The following MYZAP variants were observed in gnomAD, a reference collection of about 807,000 sequenced individuals.
MYZAP encodes myocardial zonula adherens protein, also known as GRINL1A complex locus upstream.
A neutral mutation model predicts 69.4 loss-of-function variants in MYZAP; 66 were observed. That is an observed-to-expected ratio of 0.95 (90% CI 0.78 to 1.17). MYZAP has a LOEUF of 1.17. MYZAP is among the 50% of genes most tolerant of loss of function. MYZAP has a pLI of 0.00. For missense variants in MYZAP, 611 were observed against 556.2 expected (o/e 1.10, Z -0.99); for synonymous variants, 256 against 205.9 (o/e 1.24, Z -2.09).
Position 57,614,736 on chromosome 15 carries a change from G to A in MYZAP, c.163-3297G>A, listed in dbSNP as rs1297482466. On this transcript the variant is annotated intron_variant, in intron 2 of 12. Transcript: ENST00000267853. ...TGGAGACCCTGGGATGCTACATGGA[G>A]ACGTGAGTTCCAGTTGTTCTCCTGA... 5.9e-5 allele frequency among the ~76,000 whole-genome samples: 9 copies of A among 152,142 alleles called. 1 individual carries two copies. The highest frequency in any genetic ancestry group is 5.9e-4 in the Admixed American group (9 of 15,278).
At chr15:57,665,538 A>C (rs746479452) in intron 11 of MYZAP, among the ~76,000 whole-genome samples, 9 of 152,200 alleles carry the variant, frequency 5.9e-5, no homozygotes, top group Non-Finnish European at 8.8e-5. Flanking sequence ...TTTCAGATTG[A>C]AGAGCCTTGG....
At chr15:57,647,163 G>A in intron 10 of MYZAP, 1 of 985,412 alleles carries the variant, frequency 1.0e-6, no homozygotes, top group Non-Finnish European at 1.2e-6. Context: ...ATTTGCCTTT[G>A]CTTTCATTTA....
chr15:57,591,972 C>A lies in MYZAP; in HGVS notation c.-63C>A. The A allele has an allele frequency of 7.5e-7, 1 of 1,335,610 alleles. No individual in the cohort carries two copies. The highest frequency in any genetic ancestry group is 9.6e-7 in the Non-Finnish European group (1 of 1,044,276). 82.7% of individuals were successfully genotyped at this position (1,335,610 alleles called of 1,614,324 possible). A position where few individuals can be genotyped will look rare whatever the true frequency, so the allele number is the denominator to read the frequency against. On this transcript the variant is annotated 5_prime_UTR_variant, in exon 1 of 13. Transcript: ENST00000267853. ...CGTCGCCCCCGCGCAGGGCGGGCCC[C>A]GCACGCTTATTCTGCCCGGGAGGAA...
intron 12 of MYZAP, among the ~76,000 whole-genome samples, chr15:57,676,911 T>C (rs2140643500): frequency 6.6e-6 from 1 of 152,262 alleles, no homozygotes; most frequent in Admixed American, 6.5e-5. Context: ...AATGTAACAT[T>C]TGGTTTCCCC....
intron 1 of MYZAP, among the ~76,000 whole-genome samples, chr15:57,603,793 A>G (rs2172610): frequency 0.48 from 72,446 of 152,000 alleles, 17,576 homozygotes; most frequent in South Asian, 0.57. Context: ...TGCTATGAAC[A>G]TGGGTATATG....
intron 8 of MYZAP, among the ~76,000 whole-genome samples, chr15:57,634,483 A>G (rs1327154555): frequency 6.6e-6 from 1 of 152,148 alleles, no homozygotes; most frequent in Non-Finnish European, 1.5e-5. Flanking sequence ...CCCTGACATT[A>G]TTAGCACCCT....
intron 10 of MYZAP, chr15:57,646,351 G>T (rs2037445773): frequency 8.5e-7 from 1 of 1,183,168 alleles, no homozygotes; most frequent in Non-Finnish European, 1.1e-6. Context: ...TGACCATGTG[G>T]GGCTCTTGTT....
chr15:57,605,856 G>T (rs1365245870), intron 2 of MYZAP, among the ~76,000 whole-genome samples: 6 of 152,066 alleles, frequency 3.9e-5, no homozygotes, highest in Non-Finnish European at 7.4e-5. Flanking sequence ...GTTTGAATGG[G>T]CTTTCACTGG....
intron 8 of MYZAP, among the ~76,000 whole-genome samples, chr15:57,636,727 A>G (rs2036839382): frequency 6.6e-6 from 1 of 152,228 alleles, no homozygotes; most frequent in South Asian, 2.1e-4. Context: ...AGCTTTGTCC[A>G]AAGAAATGAT....
chr15:57,661,334 A>G, intron 10 of MYZAP, 116 bp from the exon 11 acceptor site: 1 of 817,194 alleles, frequency 1.2e-6, no homozygotes, highest in Admixed American at 2.9e-5. Flanking sequence ...AAATGAGGAA[A>G]AATAGAAATA....
chr15:57,596,961 A>C (rs2034101130), intron 1 of MYZAP, among the ~76,000 whole-genome samples: 1 of 151,864 alleles, frequency 6.6e-6, no homozygotes, highest in Non-Finnish European at 1.5e-5. Context: ...CTTAGGAACC[A>C]CCCCTCCCCA....
chr15:57,595,387 A>T (rs1295501372), intron 1 of MYZAP, among the ~76,000 whole-genome samples: 2 of 152,244 alleles, frequency 1.3e-5, no homozygotes, highest in Non-Finnish European at 2.9e-5. Context: ...CACAGCCAGA[A>T]GATGACCTTG....
chr15:57,621,138 G>A (rs1337954402), intron 3 of MYZAP, among the ~76,000 whole-genome samples: 2 of 147,674 alleles, frequency 1.4e-5, no homozygotes, highest in Non-Finnish European at 3.0e-5. Flanking sequence ...TGTTGGGGGT[G>A]ACCTTCTCCC....
intron 2 of MYZAP, among the ~76,000 whole-genome samples, chr15:57,617,390 G>T (rs2035535010): frequency 6.6e-6 from 1 of 151,990 alleles, no homozygotes; most frequent in Non-Finnish European, 1.5e-5. Flanking sequence ...GTTTCTCAAG[G>T]GTATTTGCAT....
intron 10 of MYZAP, among the ~76,000 whole-genome samples, chr15:57,651,470 C>T (rs1251578754): frequency 6.6e-6 from 1 of 152,196 alleles, no homozygotes; most frequent in Non-Finnish European, 1.5e-5. Flanking sequence ...TATCACATGT[C>T]AACCTTCCTC....
At chr15:57,617,298 T>G (rs117290039) in intron 2 of MYZAP, among the ~76,000 whole-genome samples, 2,249 of 152,256 alleles carry the variant, frequency 0.015, 30 homozygotes, top group South Asian at 0.045. Context: ...TATAGTAGGT[T>G]TTCAACAAAT....
At chr15:57,626,730 T>C (rs2036159804) in intron 5 of MYZAP, among the ~76,000 whole-genome samples, 1 of 152,230 alleles carries the variant, frequency 6.6e-6, no homozygotes, top group Admixed American at 6.5e-5. Flanking sequence ...ATATAAGTAA[T>C]TTTAGATAAA....
intron 11 of MYZAP, among the ~76,000 whole-genome samples, chr15:57,665,706 A>G (rs68109677): frequency 0.071 from 10,874 of 152,240 alleles, 740 homozygotes; most frequent in African/African-American, 0.17. Flanking sequence ...GACATGCATC[A>G]CTTCTCAGGT....
chr15:57,611,433 T>G (rs1325880584), intron 2 of MYZAP, among the ~76,000 whole-genome samples: 3 of 152,208 alleles, frequency 2.0e-5, no homozygotes, highest in South Asian at 2.1e-4. Flanking sequence ...GTTCCTGATT[T>G]TTTTTTCTCC....
Sources: gnomAD v4.1 joint callset for allele counts (sites outside exome capture counted in the v4.1 genomes callset) on GRCh38, gnomAD v4.1.1 for gene constraint, MANE v1.5 for transcripts, NCBI Gene and HGNC (gene_info 2026-07-23, HGNC 2026-07-21) for gene names.